Variants in PIGX observed in about 807,000 individuals in gnomAD.
The protein encoded by PIGX is phosphatidylinositol glycan anchor biosynthesis class X.
A neutral mutation model predicts 28.7 loss-of-function variants in PIGX; 24 were observed. That is an observed-to-expected ratio of 0.84 (90% CI 0.60 to 1.17). The LOEUF (loss-of-function observed/expected upper bound fraction) is 1.17. PIGX is among the 50% of genes most tolerant of loss of function. The pLI is 0.00. For missense variants in PIGX, 305 were observed against 317.8 expected (o/e 0.96, Z 0.31); for synonymous variants, 127 against 121.0 (o/e 1.05, Z -0.33).
rs145569178 is a variant in PIGX at position 196,715,913 on chromosome 3, C to G, written c.113-945C>G. ...AAATGTTCTTCCCACAGATTTACAG[C>G]TTTTGAAATGGGACAAAGTTCCATA... On this transcript the variant is annotated intron_variant, in intron 1 of 5. Transcript: ENST00000392391. Among the ~76,000 whole-genome samples, 19 of 152,314 alleles carry G rather than the reference C, an allele frequency of 1.2e-4. 1 individual carries two copies. Among genetic ancestry groups the G allele is most frequent in the African/African-American group, 4.6e-4 (19 of 41,576 alleles).
At chr3:196,720,531 C>T (rs1712281738) in intron 2 of PIGX, among the ~76,000 whole-genome samples, 1 of 152,108 alleles carries the variant, frequency 6.6e-6, no homozygotes, top group Admixed American at 6.6e-5. Context: ...CTCTTAAATG[C>T]CTGCTTCATA....
At chr3:196,728,438 A>C in intron 4 of PIGX, 2 of 590,688 alleles carry the variant, frequency 3.4e-6, no homozygotes, top group Non-Finnish European at 6.0e-6. Context: ...CTGACTGTTA[A>C]ATACTTCCTT....
At position 196,713,177 on chromosome 3, in the gene PIGX, A is replaced by G. The variant is rs1472505408; in HGVS notation, c.112+533A>G. ...ACCCTACAAGTTTCTCCATCTGTAA[A>G]ATGAGGATGTTTCTGTCATCCTTGG... is the stretch of plus-strand genomic sequence containing the variant. On this transcript the variant is annotated intron_variant, in intron 1 of 5. Transcript: ENST00000392391. 4 of 765,390 alleles carry G rather than the reference A, an allele frequency of 5.2e-6. No individual in the cohort carries two copies. The African/African-American group carries it at 7.6e-5, about 14-fold the overall frequency. The allele number at this position is 765,390 out of a possible 1,614,324, so 47.4% of individuals were successfully genotyped here.
At position 196,712,486 on chromosome 3, in the gene PIGX, C is replaced by T; in HGVS notation, c.-47C>T. The T allele has an allele frequency of 2.1e-6, 2 of 957,920 alleles. No homozygotes were observed. The highest frequency in any genetic ancestry group is 2.6e-6 in the Non-Finnish European group (2 of 760,716). The allele number at this position is 957,920 out of a possible 1,614,324, so 59.3% of individuals were successfully genotyped here. On this transcript the variant is annotated 5_prime_UTR_variant, in exon 1 of 6. Transcript: ENST00000392391. Reference sequence around the variant, plus strand: ...GGGCGGCCAGGCCCCTTCCTGCGTCCGCACCTGGCCCCGCGCGCCCCTCTC... The same window carrying T: ...GGGCGGCCAGGCCCCTTCCTGCGTCTGCACCTGGCCCCGCGCGCCCCTCTC...
At chr3:196,732,950 C>T (rs1165664612) in intron 5 of PIGX, among the ~76,000 whole-genome samples, 1 of 152,032 alleles carries the variant, frequency 6.6e-6, no homozygotes. Flanking sequence ...TCCAGCTGTA[C>T]AATATGGGAA....
rs1488859842 is a variant in PIGX at position 196,734,864 on chromosome 3, A to G, written c.*962A>G. The G allele has an allele frequency of 6.6e-6, 1 of 152,250 alleles. No homozygotes were observed. Among genetic ancestry groups the G allele is most frequent in the Non-Finnish European group, 1.5e-5 (1 of 68,044 alleles). 9.4% of individuals were successfully genotyped at this position (152,250 alleles called of 1,614,324 possible). A position where few individuals can be genotyped will look rare whatever the true frequency, so the allele number is the denominator to read the frequency against. On this transcript the variant is annotated 3_prime_UTR_variant, in exon 6 of 6. Transcript: ENST00000392391. Reference sequence around the variant, plus strand: ...ACAGAGTATGTCAGGAAGACAACTCAGATTGCCATTTTAAATAAAGTTGTA... The same window carrying G: ...ACAGAGTATGTCAGGAAGACAACTCGGATTGCCATTTTAAATAAAGTTGTA...
intron 2 of PIGX, among the ~76,000 whole-genome samples, chr3:196,721,812 G>A (rs1712336219): frequency 1.3e-5 from 2 of 151,734 alleles, no homozygotes; most frequent in South Asian, 4.2e-4. Context: ...GAGTACAGGG[G>A]CATGATCTTG....
chr3:196,730,742 T>C (rs1391580002), intron 4 of PIGX, among the ~76,000 whole-genome samples: 1 of 127,730 alleles, frequency 7.8e-6, no homozygotes, highest in Admixed American at 8.4e-5. Flanking sequence ...AGTGAGACTC[T>C]GTCTCAAAAA....
intron 3 of PIGX, among the ~76,000 whole-genome samples, chr3:196,726,135 CA>C (rs1310614581): frequency 1.3e-5 from 2 of 151,964 alleles, no homozygotes; most frequent in Non-Finnish European, 2.9e-5. Context: ...ACTAAAAATA[CA>C]AAAAATTAGC....
chr3:196,726,759 G>A, intron 3 of PIGX: 1 of 452,344 alleles, frequency 2.2e-6, no homozygotes, highest in Non-Finnish European at 4.4e-6. Context: ...AGAACAACTG[G>A]TAAATGTTAT....
At position 196,728,053 on chromosome 3, in the gene PIGX, G is replaced by A. The variant is rs760068484; in HGVS notation, c.449G>A (p.Cys150Tyr). Residue 150 changes from cysteine (C) to tyrosine (Y), a missense_variant, in exon 4 of 6, where the codon TGC (cysteine) becomes TAC (tyrosine). Physicochemically the swap from Cys to Tyr is radical, Grantham distance 194. Transcript: ENST00000392391. ...TTTCAAGCCTTTTTGCCTGTGCACTGCCGCTATCATCGGCCGCACAGTGAA... is the reference window on the plus strand; with the variant it reads ...TTTCAAGCCTTTTTGCCTGTGCACTACCGCTATCATCGGCCGCACAGTGAA... 12 of 1,614,104 alleles carry A rather than the reference G, an allele frequency of 7.4e-6. No individual in the cohort carries two copies. The East Asian group carries it at 2.2e-4, about 30-fold the overall frequency.
At chr3:196,727,867 T>A in intron 3 of PIGX, 56 bp from the exon 4 acceptor site, 2 of 1,305,894 alleles carry the variant, frequency 1.5e-6, no homozygotes, top group African/African-American at 1.5e-5. Context: ...TTTAACTTTT[T>A]AAAAATCTTC....
Position 196,728,140 on chromosome 3 carries a change from AGG to A in PIGX, c.532+6_532+7del. 1 of 1,610,350 alleles carries A rather than the reference AGG, an allele frequency of 6.2e-7. No individual in the cohort carries two copies. The highest frequency in any genetic ancestry group is 1.1e-5 in the South Asian group (1 of 90,982). ...TTGTTGATGTTTTGTGACCAAGGTG[AGG>A]GCTGCAAGTGTTTTCTAAGGGTTGA... is the stretch of plus-strand genomic sequence containing the variant. On this transcript the variant is annotated splice_donor_5th_base_variant and intron_variant, in intron 4 of 5. Transcript: ENST00000392391.
intron 1 of PIGX, among the ~76,000 whole-genome samples, chr3:196,714,796 G>A (rs553362806): frequency 2.6e-5 from 4 of 152,230 alleles, no homozygotes; most frequent in African/African-American, 9.6e-5. Flanking sequence ...AGCCTTGCTC[G>A]GCTGGGCGCT....
Position 196,722,400 on chromosome 3 carries a change from G to A in PIGX, c.177-15G>A. The A allele has an allele frequency of 6.3e-7, 1 of 1,589,372 alleles. No individual in the cohort carries two copies. Among genetic ancestry groups the A allele is most frequent in the Admixed American group, 1.7e-5 (1 of 57,434 alleles). On this transcript the variant is annotated splice_polypyrimidine_tract_variant and intron_variant, in intron 2 of 5. Coordinates refer to ENST00000392391, the MANE Select transcript of PIGX (RefSeq NM_017861.4). ...TTGAATGAAGAGATTTACTTTCAAT[G>A]TACTTGTCTTACAGAGACCTTTTAA...
intron 2 of PIGX, chr3:196,721,233 G>A (rs1452700421): frequency 5.8e-6 from 2 of 342,324 alleles, no homozygotes; most frequent in Non-Finnish European, 1.1e-5. Context: ...CCATGGAGGC[G>A]GTTCCTTTTT....
chr3:196,719,954 A>AT (rs555418710), intron 2 of PIGX, among the ~76,000 whole-genome samples: 151 of 151,884 alleles, frequency 9.9e-4, no homozygotes, highest in African/African-American at 3.6e-3. Flanking sequence ...TAATTTTCGT[A>AT]TTTTCAGTAG....
chr3:196,726,508 G>C, intron 3 of PIGX: 1 of 340,912 alleles, frequency 2.9e-6, no homozygotes, highest in Non-Finnish European at 5.8e-6. Flanking sequence ...GTGAGATAAG[G>C]CTGCCAAAAA....
chr3:196,718,855 A>T (rs902823293), intron 2 of PIGX, among the ~76,000 whole-genome samples: 1 of 152,074 alleles, frequency 6.6e-6, no homozygotes, highest in African/African-American at 2.4e-5. Flanking sequence ...TACATTTAGG[A>T]TTGTTCTTGA....
Sources: allele counts gnomAD v4.1 joint callset (sites outside exome capture counted in the v4.1 genomes callset), GRCh38; gene constraint gnomAD v4.1.1; transcripts MANE v1.5; gene names NCBI Gene and HGNC (gene_info 2026-07-23, HGNC 2026-07-21).